The following C17orf99 variants were observed in gnomAD, a reference collection of about 807,000 sequenced individuals.
C17orf99 encodes chromosome 17 open reading frame 99.
In C17orf99, 18 loss-of-function variants were observed where a neutral mutation model predicts 22.6. That is an observed-to-expected ratio of 0.80 (90% CI 0.55 to 1.18). C17orf99 has a LOEUF of 1.18. Among genes scored for constraint, C17orf99 ranks in the 50% most tolerant of loss-of-function variants. The pLI, the probability that C17orf99 is intolerant of heterozygous loss-of-function variation, is 0.00. For missense variants in C17orf99, 328 were observed against 342.7 expected, an observed-to-expected ratio of 0.96 and a Z score of 0.34; for synonymous variants, 147 against 136.6, an observed-to-expected ratio of 1.08 and a Z score of -0.53.
chr17:78,165,921 C>A lies in C17orf99; in HGVS notation c.673C>A (p.Pro225Thr). 2 of 1,422,904 alleles carry A rather than the reference C, an allele frequency of 1.4e-6. No homozygotes were observed. The highest frequency in any genetic ancestry group is 9.3e-7 in the Non-Finnish European group (1 of 1,072,450). The allele number at this position is 1,422,904 out of a possible 1,614,324, so 88.1% of individuals were successfully genotyped here. A position where few individuals can be genotyped will look rare whatever the true frequency, so the allele number is the denominator to read the frequency against. Residue 225 changes from proline (P) to threonine (T), a missense_variant, in exon 5 of 5, where the codon CCC becomes ACC. Coordinates refer to ENST00000340363, the MANE Select transcript of C17orf99 (RefSeq NM_001163075.2). ...GDQKMEDWQG[P>T]LESPILALPL... Reference sequence around the variant, plus strand: ...CCAGAAGATGGAGGACTGGCAGGGTCCCCTGGAGAGCCCCATCCTTGCCTT... The same window carrying A: ...CCAGAAGATGGAGGACTGGCAGGGTACCCTGGAGAGCCCCATCCTTGCCTT...
intron 3 of C17orf99, 26 bp downstream of exon 3, chr17:78,161,280 T>A (rs1261200691): frequency 6.5e-7 from 1 of 1,541,896 alleles, no homozygotes; most frequent in South Asian, 1.2e-5. Context: ...GGCACAGGGC[T>A]GAGGAGGCAG....
intron 2 of C17orf99, chr17:78,159,999 G>A (rs112219080): frequency 4.5e-6 from 2 of 448,346 alleles, no homozygotes; most frequent in African/African-American, 2.0e-5. Context: ...TCCACCATTT[G>A]GCTGTGGTGA....
chr17:78,155,920 C>T (rs544536988), intron 2 of C17orf99, among the ~76,000 whole-genome samples: 16 of 151,874 alleles, frequency 1.1e-4, no homozygotes, highest in African/African-American at 3.6e-4. Context: ...CCACCATGCC[C>T]GGCCTACACA....
At chr17:78,165,304 C>T (rs1357447179) in intron 4 of C17orf99, 2 of 985,854 alleles carry the variant, frequency 2.0e-6, no homozygotes, top group Non-Finnish European at 2.4e-6. Flanking sequence ...CCTTACGTGG[C>T]TCTACCAGGA....
chr17:78,151,289 G>A (rs1414162571), intron 2 of C17orf99, among the ~76,000 whole-genome samples: 1 of 151,686 alleles, frequency 6.6e-6, no homozygotes, highest in Non-Finnish European at 1.5e-5. Flanking sequence ...GCCAGGTATG[G>A]TGGTGTGTGC....
intron 3 of C17orf99, 138 bp downstream of exon 3, chr17:78,161,392 A>T (rs2075575578): frequency 1.3e-6 from 1 of 745,774 alleles, no homozygotes. Context: ...ACAGGCTGCC[A>T]CCTCCAAGGC....
chr17:78,150,734 G>A (rs564455639), intron 2 of C17orf99, among the ~76,000 whole-genome samples: 11 of 152,294 alleles, frequency 7.2e-5, no homozygotes, highest in African/African-American at 2.6e-4. Context: ...CTGGGAAGGA[G>A]GGATCTGGTT....
rs775869824 is a variant in C17orf99, at chr17:78,164,102, G to T, written c.378G>T (p.Val126=). 6.4e-7 allele frequency: 1 copy of T among 1,551,762 alleles called. No individual in the cohort carries two copies. ...QMHWELWSKP[V]SELRANFTLQ... ...CTTCTCCCACCCTGCCAGAGCCAGT[G>T]TCTGAGCTGCGGGCCAACTTCACTC... The change falls in exon 4 of 5, where the codon GTG becomes GTT. Residue 126 remains valine (V), a synonymous_variant. Coordinates refer to ENST00000340363, the MANE Select transcript of C17orf99 (RefSeq NM_001163075.2).
chr17:78,166,143 C>G lies in C17orf99; in HGVS notation c.*97C>G. The G allele has an allele frequency of 3.5e-6, 1 of 283,408 alleles. No homozygotes were observed. The highest frequency in any genetic ancestry group is 5.6e-5 in the East Asian group (1 of 17,986). 17.6% of individuals were successfully genotyped at this position (283,408 alleles called of 1,614,324 possible). On this transcript the variant is annotated 3_prime_UTR_variant, in exon 5 of 5. Coordinates refer to ENST00000340363, the MANE Select transcript of C17orf99 (RefSeq NM_001163075.2). ...TTCATGCAAAATGAGTGTGTTTTAG[C>G]TGCTCTTGCCACAAAAAAAAAAAAA...
chr17:78,164,201 C>T lies in C17orf99; in HGVS notation c.477C>T (p.Asn159=). ...CCTCGGGCAGCCCACCTATCACCAA[C>T]AGCCTGATCGGGAAGGATGGGCAGG... is the stretch of plus-strand genomic sequence containing the variant. The part of the protein sequence containing the change: ...QASSGSPPIT[N]SLIGKDGQVH... The change falls in exon 4 of 5, where the codon AAC becomes AAT. Residue 159 remains asparagine (N), a synonymous_variant. Transcript: ENST00000340363. The T allele has an allele frequency of 1.3e-6, 2 of 1,551,662 alleles. No homozygotes were observed. The highest frequency in any genetic ancestry group is 1.4e-5 in the African/African-American group (1 of 73,196).
At chr17:78,155,207 T>C (rs1245861363) in intron 2 of C17orf99, among the ~76,000 whole-genome samples, 4 of 149,174 alleles carry the variant, frequency 2.7e-5, no homozygotes, top group African/African-American at 9.8e-5. Context: ...CAACCAAAAA[T>C]GTCCCCAGAC....
chr17:78,157,062 G>T (rs1384939457), intron 2 of C17orf99, among the ~76,000 whole-genome samples: 1 of 152,066 alleles, frequency 6.6e-6, no homozygotes, highest in East Asian at 1.9e-4. Flanking sequence ...GTGCACGGTG[G>T]CTCACGCTTG....
rs1458068846 is a variant in C17orf99, at chr17:78,164,209, TC to T, written c.486del (p.Ile162MetfsTer81). ...AGCCCACCTATCACCAACAGCCTGA[TC>T]GGGAAGGATGGGCAGGTCCACCTGC... is the stretch of plus-strand genomic sequence containing the variant. ...SGSPPITNSL[I>X]GKDGQVHLQQ... On this transcript the variant is annotated frameshift_variant, in exon 4 of 5. Transcript: ENST00000340363. LOFTEE classifies it high-confidence loss of function. The T allele has an allele frequency of 1.3e-6, 2 of 1,551,586 alleles. No homozygotes were observed. Among genetic ancestry groups the T allele is most frequent in the Non-Finnish European group, 1.7e-6 (2 of 1,147,002 alleles).
chr17:78,156,194 G>A (rs571064916), intron 2 of C17orf99, among the ~76,000 whole-genome samples: 2 of 151,560 alleles, frequency 1.3e-5, no homozygotes, highest in Non-Finnish European at 2.9e-5. Flanking sequence ...GCTGGGTGTG[G>A]TTGTGGGCAC....
chr17:78,154,914 A>G (rs188723384), intron 2 of C17orf99, among the ~76,000 whole-genome samples: 1 of 152,206 alleles, frequency 6.6e-6, no homozygotes, highest in Admixed American at 6.6e-5. Flanking sequence ...CACAGATGAG[A>G]AAATAATTGT....
At chr17:78,160,221 G>A in intron 2 of C17orf99, 2 of 436,786 alleles carry the variant, frequency 4.6e-6, no homozygotes, top group South Asian at 3.3e-5. Flanking sequence ...TAGGTTCAGG[G>A]GTACATGTGC....
In C17orf99 at chr17:78,146,998, GA is replaced by G; in HGVS notation, c.70+89del. 1 of 1,201,132 alleles carries G rather than the reference GA, an allele frequency of 8.3e-7. No individual in the cohort carries two copies. The allele number at this position is 1,201,132 out of a possible 1,614,324, so 74.4% of individuals were successfully genotyped here. Reference sequence around the variant, plus strand: ...CCATGGTGGAGGGCGCCTCGGCTGGGAAGGGAGTTACTAGTGGGGAGGTGTG... The same window carrying G: ...CCATGGTGGAGGGCGCCTCGGCTGGGAGGGAGTTACTAGTGGGGAGGTGTG... On this transcript the variant is annotated intron_variant, in intron 2 of 4. Transcript: ENST00000340363. The surrounding 1 kb of genome is among the most constrained non-coding windows in gnomAD (Gnocchi z 5.2).
intron 4 of C17orf99, 46 bp from the exon 5 acceptor site, chr17:78,165,843 C>G (rs370940735): frequency 7.8e-7 from 1 of 1,283,308 alleles, no homozygotes; most frequent in Non-Finnish European, 1.0e-6. Context: ...GAGGGGATGG[C>G]TGGGAGGTGA....
At chr17:78,150,013 AT>A (rs60569234) in intron 2 of C17orf99, among the ~76,000 whole-genome samples, 6,490 of 136,816 alleles carry the variant, frequency 0.047, 446 homozygotes, top group African/African-American at 0.16. Flanking sequence ...CCGGAAGCTA[AT>A]TTTTTTTTTT....
Sources: gnomAD v4.1 joint callset for allele counts (sites outside exome capture counted in the v4.1 genomes callset) on GRCh38, gnomAD v4.1.1 for gene constraint, Gnocchi (gnomAD v3.1) non-coding constraint, MANE v1.5 for transcripts, NCBI Gene and HGNC (gene_info 2026-07-23, HGNC 2026-07-21) for gene names.